MAP3K4: variants seen among roughly 807,000 people sequenced by gnomAD.
MAP3K4 encodes the protein MAP three kinase 1.
MAP3K4 carries 67 observed loss-of-function variants against 185.6 expected under a neutral mutation model. The ratio of observed to expected loss-of-function variants is 0.36; its 90% CI spans 0.30 to 0.44. The LOEUF (loss-of-function observed/expected upper bound fraction) is 0.44, where lower values mean the gene tolerates loss of function less well. Ranked by LOEUF, MAP3K4 falls within the 20% of genes least tolerant of loss-of-function variation. The pLI, the probability that MAP3K4 is intolerant of heterozygous loss-of-function variation, is 1.00. For synonymous variants in MAP3K4, 702 were observed against 710.4 expected (o/e 0.99, Z 0.19); for missense variants, 1,551 against 1,995.1 (o/e 0.78, Z 4.24).
In MAP3K4 at chr6:161,070,974, G is replaced by A. The variant is rs1784914197; in HGVS notation, c.1950+124G>A. 2.1e-6 allele frequency: 2 copies of A among 934,336 alleles called. No individual in the cohort carries two copies. Among genetic ancestry groups the A allele is most frequent in the Admixed American group, 3.1e-5 (1 of 32,306 alleles). 57.9% of individuals were successfully genotyped at this position (934,336 alleles called of 1,614,324 possible). ...CGCAAATAGTGAAAAATGACTGTTTGTCCATGGTTTTAAGCTGTATATTTT... is the reference window on the plus strand; with the variant it reads ...CGCAAATAGTGAAAAATGACTGTTTATCCATGGTTTTAAGCTGTATATTTT... On this transcript the variant is annotated intron_variant, in intron 4 of 26. Transcript: ENST00000392142. The surrounding 1 kb of genome is among the most constrained non-coding windows in gnomAD (Gnocchi z 4.5).
intron 1 of MAP3K4, among the ~76,000 whole-genome samples, chr6:160,997,955 T>TAATC (rs1410560039): frequency 6.6e-6 from 1 of 152,190 alleles, no homozygotes; most frequent in Non-Finnish European, 1.5e-5. Context: ...GAGGACCTGG[T>TAATC]CTCAGAGAGT....
chr6:161,015,076 A>G (rs1261053259), intron 1 of MAP3K4, among the ~76,000 whole-genome samples: 1 of 152,208 alleles, frequency 6.6e-6, no homozygotes, highest in African/African-American at 2.4e-5. Context: ...TTGTCATAGT[A>G]TAAATTATAG....
In MAP3K4 at chr6:161,063,775, T is replaced by G. The variant is rs936261429; in HGVS notation, c.1708-6833T>G. 3.3e-5 allele frequency among the ~76,000 whole-genome samples: 5 copies of G among 152,158 alleles called. No individual in the cohort carries two copies. Among genetic ancestry groups the G allele is most frequent in the African/African-American group, 9.7e-5 (4 of 41,418 alleles). On this transcript the variant is annotated intron_variant, in intron 3 of 26. Transcript: ENST00000392142. The surrounding 1 kb of genome is among the most constrained non-coding windows in gnomAD (Gnocchi z 5.4). The stretch of plus-strand genomic sequence containing the variant: ...CACTCATGAATAGTGCCAAAATCAT[T>G]CCTAATTTCACAGAAGTTCTCTGTA...
rs1476517909 is a variant in MAP3K4, at chr6:161,101,304, C to G, written c.3675-588C>G. ...TTTGCTTGGCTACTGCTTGAGAAAC[C>G]TTTAGGTATTCCCTTCCATTTTCTT... is the stretch of plus-strand genomic sequence containing the variant. On this transcript the variant is annotated intron_variant, in intron 17 of 26. Coordinates refer to ENST00000392142, the MANE Select transcript of MAP3K4 (RefSeq NM_005922.4). This position sits in a 1 kb window ranked among gnomAD's most constrained non-coding sequence, Gnocchi z 5.1. 6.6e-6 allele frequency: 1 copy of G among 152,068 alleles called. No homozygotes were observed. The highest frequency in any genetic ancestry group is 1.5e-5 in the Non-Finnish European group (1 of 68,012). 9.4% of individuals were successfully genotyped at this position (152,068 alleles called of 1,614,324 possible).
chr6:161,092,962 CT>C lies in MAP3K4; in HGVS notation c.3270-11del. The C allele has an allele frequency of 1.3e-6, 2 of 1,587,366 alleles. No individual in the cohort carries two copies. Among genetic ancestry groups the C allele is most frequent in the Non-Finnish European group, 1.7e-6 (2 of 1,156,072 alleles). On this transcript the variant is annotated splice_polypyrimidine_tract_variant and intron_variant, in intron 13 of 26. Transcript: ENST00000392142. ...TCTTGGTTGTTATGTGATTACTGAA[CT>C]TTTTCGTGTACCAGGTGGGCGACTC... is the stretch of plus-strand genomic sequence containing the variant.
rs192783077 is a variant in MAP3K4, at chr6:160,992,729, A to G, written c.152+646A>G. On this transcript the variant is annotated intron_variant, in intron 1 of 26. Transcript: ENST00000392142. ...GGATTCATTTGTCTAAAACTTTGCT[A>G]CTGCAGGAAGCTCTAAGGTGGAACT... Among the ~76,000 whole-genome samples, 4 of 152,286 alleles carry G rather than the reference A, an allele frequency of 2.6e-5. No homozygotes were observed. The East Asian group carries it at 7.7e-4, about 29-fold the overall frequency.
At chr6:161,099,729 C>T (rs889391219) in intron 17 of MAP3K4, among the ~76,000 whole-genome samples, 1 of 152,186 alleles carries the variant, frequency 6.6e-6, no homozygotes, top group Non-Finnish European at 1.5e-5. Flanking sequence ...AGACTGCTCC[C>T]GAACTGGACA....
chr6:161,010,366 A>G (rs1317564800), intron 1 of MAP3K4, among the ~76,000 whole-genome samples: 1 of 152,222 alleles, frequency 6.6e-6, no homozygotes, highest in African/African-American at 2.4e-5. Flanking sequence ...AAATAGTTAC[A>G]TAATAAATAA....
At position 160,996,093 on chromosome 6, in the gene MAP3K4, G is replaced by A. The variant is rs1375571245; in HGVS notation, c.152+4010G>A. Among the ~76,000 whole-genome samples the A allele has an allele frequency of 6.6e-6, 1 of 151,726 alleles. No homozygotes were observed. The highest frequency in any genetic ancestry group is 1.5e-5 in the Non-Finnish European group (1 of 68,014). On this transcript the variant is annotated intron_variant, in intron 1 of 26. Transcript: ENST00000392142. This position sits in a 1 kb window ranked among gnomAD's most constrained non-coding sequence, Gnocchi z 4.5. ...GCCTCTCGGCTTGAATGTCCACCTT[G>A]AGCCTGTGTGTTTCAGTCTTGACCT...
intron 1 of MAP3K4, among the ~76,000 whole-genome samples, chr6:161,011,199 A>C (rs956890686): frequency 4.7e-4 from 72 of 152,214 alleles, no homozygotes; most frequent in African/African-American, 1.7e-3. Flanking sequence ...TTTGAAAGTA[A>C]AATGCTTTTA....
chr6:161,004,399 T>C (rs1781477991), intron 1 of MAP3K4, among the ~76,000 whole-genome samples: 1 of 152,236 alleles, frequency 6.6e-6, no homozygotes, highest in South Asian at 2.1e-4. Context: ...ATTTTACCTA[T>C]ACACATTTAA....
intron 1 of MAP3K4, among the ~76,000 whole-genome samples, chr6:161,026,431 G>T (rs551337209): frequency 5.9e-5 from 9 of 151,826 alleles, no homozygotes; most frequent in Non-Finnish European, 1.3e-4. Context: ...CACCGTGCCC[G>T]GTCAGAAGGA....
At chr6:161,062,132 A>G (rs1027169622) in intron 3 of MAP3K4, among the ~76,000 whole-genome samples, 4 of 152,214 alleles carry the variant, frequency 2.6e-5, no homozygotes, top group Non-Finnish European at 5.9e-5. Flanking sequence ...ATATCTTTAC[A>G]TAACACCCTT....
chr6:161,054,029 A>G lies in MAP3K4; in HGVS notation c.1707+4050A>G, dbSNP rs1383874881. Among the ~76,000 whole-genome samples the G allele has an allele frequency of 6.6e-6, 1 of 152,224 alleles. No homozygotes were observed. The highest frequency in any genetic ancestry group is 1.9e-4 in the East Asian group (1 of 5,202). On this transcript the variant is annotated intron_variant, in intron 3 of 26. Transcript: ENST00000392142. This position sits in a 1 kb window ranked among gnomAD's most constrained non-coding sequence, Gnocchi z 4.2. ...GGTGAAGGATTTTGTAGAAAAGAAGAAATACACGTGATGTTTGATTTTTCT... is the reference window on the plus strand; with the variant it reads ...GGTGAAGGATTTTGTAGAAAAGAAGGAATACACGTGATGTTTGATTTTTCT...
At chr6:161,081,146 G>C (rs1410026925) in intron 6 of MAP3K4, 108 bp downstream of exon 6, 1 of 1,256,604 alleles carries the variant, frequency 8.0e-7, no homozygotes, top group Non-Finnish European at 1.1e-6. Flanking sequence ...CATGAAAATT[G>C]CAGTTATCCA....
chr6:161,091,544 G>A lies in MAP3K4; in HGVS notation c.3135+4G>A. The A allele has an allele frequency of 6.2e-7, 1 of 1,608,136 alleles. No homozygotes were observed. The highest frequency in any genetic ancestry group is 2.2e-5 in the East Asian group (1 of 44,714). Reference sequence around the variant, plus strand: ...GGGGTACAATTTTGGATTTGAGGTAGGTTCAAAATAAGAGGAAACACGGTA... The same window carrying A: ...GGGGTACAATTTTGGATTTGAGGTAAGTTCAAAATAAGAGGAAACACGGTA... On this transcript the variant is annotated splice_donor_region_variant and intron_variant, in intron 12 of 26. Transcript: ENST00000392142. The surrounding 1 kb of genome is among the most constrained non-coding windows in gnomAD (Gnocchi z 5.5).
At position 161,098,491 on chromosome 6, in the gene MAP3K4, A is replaced by G. The variant is rs961807919; in HGVS notation, c.3674+64A>G. On this transcript the variant is annotated intron_variant, in intron 17 of 26. Coordinates refer to ENST00000392142, the MANE Select transcript of MAP3K4 (RefSeq NM_005922.4). The surrounding 1 kb of genome is among the most constrained non-coding windows in gnomAD (Gnocchi z 4.4). ...CCTTACATGCGCTTACACAGCAACC[A>G]TAGTGTTAGGGTGTGTGCCGGCTGT... is the stretch of plus-strand genomic sequence containing the variant. 1 of 1,548,178 alleles carries G rather than the reference A, an allele frequency of 6.5e-7. No homozygotes were observed. The highest frequency in any genetic ancestry group is 8.8e-7 in the Non-Finnish European group (1 of 1,140,490).
intron 1 of MAP3K4, chr6:160,992,419 GGCCTCACTGAAGT>G (rs1780771611): frequency 2.6e-6 from 1 of 386,572 alleles, no homozygotes; most frequent in Non-Finnish European, 4.6e-6. Flanking sequence ...TCGGAAGAGT[GGCCTCACTGAAGT>G]GCCTCTCATC....
chr6:161,068,414 G>A (rs978385304), intron 3 of MAP3K4, among the ~76,000 whole-genome samples: 2 of 152,300 alleles, frequency 1.3e-5, no homozygotes, highest in African/African-American at 2.4e-5. Flanking sequence ...GGATTAATTT[G>A]TGCAAAAGCA....
Sources: allele counts gnomAD v4.1 joint callset (sites outside exome capture counted in the v4.1 genomes callset), GRCh38; gene constraint gnomAD v4.1.1; non-coding constraint Gnocchi (gnomAD v3.1); transcripts MANE v1.5; gene names NCBI Gene and HGNC (gene_info 2026-07-23, HGNC 2026-07-21).